The following SPNS3 variants were observed in gnomAD, a reference collection of about 807,000 sequenced individuals.
SPNS3 encodes SPNS lysolipid transporter 3, sphingosine-1-phosphate (putative).
In SPNS3, 51 loss-of-function variants were observed where a neutral mutation model predicts 54.4. That is an observed-to-expected ratio of 0.94 (90% confidence interval 0.75 to 1.18). The LOEUF is 1.18. SPNS3 is among the 50% of genes most tolerant of loss of function. The pLI, the probability that SPNS3 is intolerant of heterozygous loss-of-function variation, is 0.00. For missense variants in SPNS3, 669 were observed against 677.4 expected (o/e 0.99, Z 0.14); for synonymous variants, 309 against 294.7 (o/e 1.05, Z -0.50).
Position 4,486,102 on chromosome 17 carries a change from G to T in SPNS3, c.1180-126G>T. ...GGGACTTTAGACCTTGGGGACCGTC[G>T]ACTCCCTCCCATCCCACTCACCTGA... On this transcript the variant is annotated intron_variant, in intron 9 of 11. Coordinates refer to ENST00000355530, the MANE Select transcript of SPNS3 (RefSeq NM_182538.5). This position sits in a 1 kb window ranked among gnomAD's most constrained non-coding sequence, Gnocchi z 5.5. 1.3e-6 allele frequency: 1 copy of T among 745,790 alleles called. No individual in the cohort carries two copies. The highest frequency in any genetic ancestry group is 2.3e-5 in the South Asian group (1 of 42,564). 46.2% of individuals were successfully genotyped at this position (745,790 alleles called of 1,614,324 possible). A position where few individuals can be genotyped will look rare whatever the true frequency, so the allele number is the denominator to read the frequency against.
intron 5 of SPNS3, among the ~76,000 whole-genome samples, chr17:4,447,697 G>C (rs1024468615): frequency 6.6e-6 from 1 of 152,162 alleles, no homozygotes; most frequent in Non-Finnish European, 1.5e-5. Flanking sequence ...CCCCAAGGTG[G>C]GTAGTGAGAT....
At chr17:4,447,069 G>A (rs1971016580) in intron 5 of SPNS3, 107 bp downstream of exon 5, 1 of 1,098,292 alleles carries the variant, frequency 9.1e-7, no homozygotes, top group Admixed American at 2.4e-5. Context: ...CGCCATTAGG[G>A]GGACGGGGGG....
At chr17:4,456,314 C>A (rs1377832536) in intron 8 of SPNS3, among the ~76,000 whole-genome samples, 3 of 152,106 alleles carry the variant, frequency 2.0e-5, no homozygotes, top group Admixed American at 6.6e-5. Flanking sequence ...CAGTGGGGGG[C>A]CAAATGGGAT....
intron 8 of SPNS3, among the ~76,000 whole-genome samples, chr17:4,465,631 G>T (rs1415233398): frequency 2.0e-5 from 3 of 152,168 alleles, no homozygotes. Flanking sequence ...GAAGGCTGAT[G>T]GGGGAGAATC....
intron 9 of SPNS3, 45 bp downstream of exon 9, chr17:4,478,682 A>G (rs1972078261): frequency 1.3e-6 from 2 of 1,556,444 alleles, no homozygotes; most frequent in South Asian, 1.2e-5. Flanking sequence ...GGGGAGCTGG[A>G]GAGGATTGGG....
rs138489347 is a variant in SPNS3 at position 4,445,115 on chromosome 17, G to A, written c.349G>A (p.Gly117Ser). ...RHSRKATMSFGILLWSGAGLS... is the reference protein window; with the variant it reads ...RHSRKATMSFSILLWSGAGLS... Reference sequence around the variant, plus strand: ...TAGCCGCAAGGCTACCATGAGCTTCGGTATCTTGCTGTGGTCAGGAGCTGG... The same window carrying A: ...TAGCCGCAAGGCTACCATGAGCTTCAGTATCTTGCTGTGGTCAGGAGCTGG... Residue 117 changes from glycine (G) to serine (S), a missense_variant, in exon 3 of 12, where the codon GGT becomes AGT. Transcript: ENST00000355530. 9.3e-6 allele frequency: 15 copies of A among 1,614,142 alleles called. 1 individual carries two copies. In the Admixed American group the frequency reaches 1.2e-4, roughly 13 times the overall value.
chr17:4,444,083 A>G (rs61450748), intron 2 of SPNS3, among the ~76,000 whole-genome samples: 16,275 of 152,252 alleles, frequency 0.11, 1,026 homozygotes, highest in African/African-American at 0.18. Flanking sequence ...CCTGGGTGAC[A>G]GAGCGAGACT....
At chr17:4,477,970 CTTTTTTTTTT>C (rs397837193) in intron 8 of SPNS3, among the ~76,000 whole-genome samples, 3 of 97,620 alleles carry the variant, frequency 3.1e-5, no homozygotes, top group African/African-American at 1.4e-4. Context: ...TTCACTTTTC[CTTTTTTTTTT>C]TTTTTTTTTG....
chr17:4,462,182 C>T (rs1198798153), intron 8 of SPNS3, among the ~76,000 whole-genome samples: 11 of 326 alleles, frequency 0.034, no homozygotes, highest in Non-Finnish European at 0.062. Flanking sequence ...TCCATCCATC[C>T]ATCCATCCAT....
intron 8 of SPNS3, among the ~76,000 whole-genome samples, chr17:4,463,407 A>AAAAAAC (rs1971592946): frequency 6.9e-6 from 1 of 143,970 alleles, no homozygotes; most frequent in Non-Finnish European, 1.5e-5. Flanking sequence ...AAAAAAAAAA[A>AAAAAAC]AAAACAAAAC....
intron 2 of SPNS3, among the ~76,000 whole-genome samples, chr17:4,443,077 G>GTT (rs143314084): frequency 1.3e-5 from 2 of 148,222 alleles, no homozygotes; most frequent in African/African-American, 2.5e-5. Context: ...TTTGCTTTTT[G>GTT]TTTTTTTTTT....
In SPNS3 at chr17:4,434,113, C is replaced by G; in HGVS notation, c.146C>G (p.Ala49Gly). ...CCGTGGAGGGCCTACGTGGCTGCCGCCGTCCTCTGCTACATCAACCTCCTG... is the reference window on the plus strand; with the variant it reads ...CCGTGGAGGGCCTACGTGGCTGCCGGCGTCCTCTGCTACATCAACCTCCTG... ...LPPWRAYVAA[A>G]VLCYINLLNY... Residue 49 changes from alanine (A) to glycine (G), a missense_variant, in exon 1 of 12, where the codon GCC becomes GGC. Physicochemically the swap from Ala to Gly is moderately conservative, Grantham distance 60. Transcript: ENST00000355530. 1 of 1,612,440 alleles carries G rather than the reference C, an allele frequency of 6.2e-7. No homozygotes were observed. Among genetic ancestry groups the G allele is most frequent in the East Asian group, 2.2e-5 (1 of 44,748 alleles).
In SPNS3 at chr17:4,472,789, T is replaced by A. The variant is rs1356900805; in HGVS notation, c.1114-5783T>A. Among the ~76,000 whole-genome samples the A allele has an allele frequency of 1.0e-4, 13 of 127,988 alleles. 1 individual carries two copies. The highest frequency in any genetic ancestry group is 1.3e-4 in the Non-Finnish European group (8 of 60,986). The allele number at this position is 127,988 out of a possible 152,430, so 84.0% of individuals were successfully genotyped here. ...GCTTGGCAGCCTTTTTTTTTTTTTT[T>A]TTTTTTTTTTTTTTTTTTGAGGATT... On this transcript the variant is annotated intron_variant, in intron 8 of 11. Transcript: ENST00000355530.
intron 8 of SPNS3, among the ~76,000 whole-genome samples, chr17:4,464,670 C>T (rs920699176): frequency 2.6e-5 from 4 of 151,948 alleles, no homozygotes; most frequent in African/African-American, 9.7e-5. Flanking sequence ...AACTTTTGAG[C>T]CTGTTCTTTT....
chr17:4,439,581 G>A lies in SPNS3; in HGVS notation c.200-77G>A, dbSNP rs1970796106. On this transcript the variant is annotated intron_variant, in intron 1 of 11. Coordinates refer to ENST00000355530, the MANE Select transcript of SPNS3 (RefSeq NM_182538.5). Reference sequence around the variant, plus strand: ...CTGTGCTGGTCAGCTGTGGCCCTGTGCCAAACCTGGAGCAGCTGCCTTTAG... The same window carrying A: ...CTGTGCTGGTCAGCTGTGGCCCTGTACCAAACCTGGAGCAGCTGCCTTTAG... 6 of 1,432,384 alleles carry A rather than the reference G, an allele frequency of 4.2e-6. No individual in the cohort carries two copies. In the South Asian group the frequency reaches 6.1e-5, roughly 15 times the overall value. 88.7% of individuals were successfully genotyped at this position (1,432,384 alleles called of 1,614,324 possible).
At chr17:4,453,248 C>T (rs201002593) in intron 8 of SPNS3, 43 bp downstream of exon 8, 142 of 1,554,320 alleles carry the variant, frequency 9.1e-5, no homozygotes, top group Middle Eastern at 6.8e-4. Flanking sequence ...GGTTGGGGGG[C>T]GAGGAACTCC....
intron 3 of SPNS3, among the ~76,000 whole-genome samples, chr17:4,445,727 G>A (rs62067393): frequency 0.2 from 30,814 of 151,888 alleles, 3,270 homozygotes; most frequent in Middle Eastern, 0.33. Context: ...ACCTCTCACT[G>A]CCGCACCAGC....
At chr17:4,451,354 C>T (rs996566605) in intron 7 of SPNS3, among the ~76,000 whole-genome samples, 6 of 150,098 alleles carry the variant, frequency 4.0e-5, no homozygotes, top group African/African-American at 7.3e-5. Flanking sequence ...CGGGTTCAAG[C>T]GATTCTCCTG....
intron 8 of SPNS3, among the ~76,000 whole-genome samples, chr17:4,476,586 G>T (rs1240263511): frequency 6.6e-6 from 1 of 152,134 alleles, no homozygotes; most frequent in African/African-American, 2.4e-5. Context: ...GTCGGGCTGG[G>T]CTTTCATGTG....
Sources: allele counts gnomAD v4.1 joint callset (sites outside exome capture counted in the v4.1 genomes callset), GRCh38; gene constraint gnomAD v4.1.1; non-coding constraint Gnocchi (gnomAD v3.1); transcripts MANE v1.5; gene names NCBI Gene and HGNC (gene_info 2026-07-23, HGNC 2026-07-21).